The following CUBN variants were observed in gnomAD, a reference collection of about 807,000 sequenced individuals.
CUBN encodes the protein 460 kDa receptor.
Under a neutral mutation model 405.3 loss-of-function variants are expected in CUBN, and 282 were observed. The ratio of observed to expected loss-of-function variants is 0.70; its 90% CI spans 0.63 to 0.77. The LOEUF is 0.77. Ranked by LOEUF, CUBN falls within the 30% of genes least tolerant of loss-of-function variation. The probability of loss-of-function intolerance (pLI) is 0.00; values close to 1 mark genes in which losing one functional copy is unlikely to be tolerated. For synonymous variants in CUBN, 1,684 were observed against 1,617.0 expected (o/e 1.04, Z -0.99); for missense variants, 4,514 against 4,475.2 (o/e 1.01, Z -0.25).
At chr10:16,882,607 A>G (rs1840694490) in intron 56 of CUBN, among the ~76,000 whole-genome samples, 1 of 152,192 alleles carries the variant, frequency 6.6e-6, no homozygotes, top group African/African-American at 2.4e-5. Flanking sequence ...TTTTCTCCAA[A>G]GTGGGGGGAG....
intron 29 of CUBN, among the ~76,000 whole-genome samples, chr10:16,989,349 T>C (rs1486425533): frequency 6.7e-6 from 1 of 148,438 alleles, no homozygotes; most frequent in African/African-American, 2.4e-5. Flanking sequence ...AATATAATAA[T>C]CTGTTATAAT....
intron 48 of CUBN, among the ~76,000 whole-genome samples, chr10:16,912,506 G>A (rs1841761653): frequency 6.6e-6 from 1 of 152,182 alleles, no homozygotes; most frequent in Admixed American, 6.5e-5. Context: ...GTGAAGTGCT[G>A]CAAAACAACA....
At position 17,115,488 on chromosome 10, in the gene CUBN, G is replaced by A. The variant is rs1461982823; in HGVS notation, c.703C>T (p.Arg235Ter). Residue 235 changes from arginine to a stop codon, truncating the protein, a stop_gained, in exon 7 of 67, where the codon CGA becomes TGA. Transcript: ENST00000377833. LOFTEE classifies it high-confidence loss of function. ...GGACCCACCTCTCCAGCTTGCTCTC[G>A]CATTAAATCCTCACAGATGCCATGG... Reference protein sequence around the residue: ...CVHGICEDLMREQAGEPKYSC... With the variant: ...CVHGICEDLM 1.9e-5 allele frequency: 30 copies of A among 1,613,744 alleles called. No homozygotes were observed. Among genetic ancestry groups the A allele is most frequent in the Non-Finnish European group, 2.5e-5 (29 of 1,179,906 alleles).
At chr10:16,975,247 G>A (rs114543363) in intron 31 of CUBN, among the ~76,000 whole-genome samples, 1,730 of 152,176 alleles carry the variant, frequency 0.011, 31 homozygotes, top group African/African-American at 0.04. Context: ...TTCCATCTCC[G>A]TGCCTAAGAC....
chr10:17,038,389 G>A lies in CUBN; in HGVS notation c.4017+2644C>T, dbSNP rs901105556. 3.9e-5 allele frequency among the ~76,000 whole-genome samples: 6 copies of A among 152,066 alleles called. No individual in the cohort carries two copies. In the South Asian group the frequency reaches 1.2e-3, roughly 31 times the overall value. ...AATGGTCTCACTCCTTTAAGCAAAT[G>A]GTCCCTTCTCCCACTGTATATTTTA... On this transcript the variant is annotated intron_variant, in intron 27 of 66. Coordinates refer to ENST00000377833, the MANE Select transcript of CUBN (RefSeq NM_001081.4).
intron 4 of CUBN, among the ~76,000 whole-genome samples, chr10:17,125,617 G>C (rs180874716): frequency 3.5e-4 from 54 of 152,316 alleles, no homozygotes; most frequent in Admixed American, 1.1e-3. Context: ...GGGCCTAGTA[G>C]AAAATGAAAT....
chr10:17,109,575 A>T (rs1836719394), intron 10 of CUBN, 65 bp downstream of exon 10: 26 of 1,266,140 alleles, frequency 2.1e-5, no homozygotes, highest in Non-Finnish European at 2.9e-5. Context: ...TGTGTTTAAG[A>T]TGTTGAATTG....
intron 11 of CUBN, 69 bp from the exon 12 acceptor site, chr10:17,104,674 T>C (rs1024148979): frequency 2.4e-5 from 23 of 952,420 alleles, no homozygotes; most frequent in Non-Finnish European, 3.6e-5. Flanking sequence ...TCAACCCAAA[T>C]AATAGGAATG....
intron 66 of CUBN, 138 bp downstream of exon 66, chr10:16,828,667 G>C: frequency 1.4e-6 from 1 of 712,902 alleles, no homozygotes; most frequent in Admixed American, 2.2e-5. Flanking sequence ...GCAGTGAGTT[G>C]AGATTGCGCG....
chr10:16,936,366 C>T (rs555651620), intron 39 of CUBN, among the ~76,000 whole-genome samples: 52 of 152,230 alleles, frequency 3.4e-4, no homozygotes, highest in Non-Finnish European at 6.9e-4. Flanking sequence ...CTTAGATAGA[C>T]AGATCAATAT....
At chr10:16,994,360 C>T (rs1297845808) in intron 28 of CUBN, among the ~76,000 whole-genome samples, 2 of 152,058 alleles carry the variant, frequency 1.3e-5, no homozygotes, top group Non-Finnish European at 2.9e-5. Context: ...TTTTGCTTCT[C>T]CTTCAGTTTA....
chr10:16,851,476 C>G lies in CUBN; in HGVS notation c.9455-33G>C, dbSNP rs1839682783. 1.9e-6 allele frequency: 3 copies of G among 1,577,524 alleles called. No homozygotes were observed. In the African/African-American group the frequency reaches 4.0e-5, roughly 21 times the overall value. On this transcript the variant is annotated intron_variant, in intron 59 of 66. Coordinates refer to ENST00000377833, the MANE Select transcript of CUBN (RefSeq NM_001081.4). ...AAAACAAAGACATCACTATGCAGAC[C>G]AAACAGAACCGACCTTACATTGTAC...
intron 21 of CUBN, among the ~76,000 whole-genome samples, chr10:17,066,601 A>G (rs1835618281): frequency 6.6e-6 from 1 of 152,112 alleles, no homozygotes; most frequent in Non-Finnish European, 1.5e-5. Flanking sequence ...ATGCCTTCGT[A>G]TATGCCCATG....
At position 17,040,858 on chromosome 10, in the gene CUBN, C is replaced by T. The variant is rs185510086; in HGVS notation, c.4017+175G>A. Among the ~76,000 whole-genome samples the T allele has an allele frequency of 6.6e-5, 10 of 152,278 alleles. No individual in the cohort carries two copies. In the East Asian group the frequency reaches 1.3e-3, roughly 21 times the overall value. ...AAACATAGATAGTTCTCTGTATTCA[C>T]AATTTAATACATTAAATATGAAATA... is the stretch of plus-strand genomic sequence containing the variant. On this transcript the variant is annotated intron_variant, in intron 27 of 66. Transcript: ENST00000377833.
At chr10:16,875,525 T>A (rs1840472387) in intron 57 of CUBN, among the ~76,000 whole-genome samples, 1 of 152,218 alleles carries the variant, frequency 6.6e-6, no homozygotes, top group Non-Finnish European at 1.5e-5. Context: ...TTGCCTCAAC[T>A]GAGCCCACCT....
intron 66 of CUBN, 90 bp from the exon 67 acceptor site, chr10:16,825,172 A>T: frequency 1.2e-6 from 1 of 859,324 alleles, no homozygotes; most frequent in Non-Finnish European, 1.9e-6. Context: ...AGTACCACAT[A>T]AAGAAACTTT....
intron 44 of CUBN, among the ~76,000 whole-genome samples, chr10:16,919,546 G>A (rs539747659): frequency 6.6e-6 from 1 of 152,298 alleles, no homozygotes; most frequent in Non-Finnish European, 1.5e-5. Context: ...CTTTAGTACT[G>A]TTCCGACAGT....
chr10:16,857,547 A>G (rs1257630521), intron 59 of CUBN, among the ~76,000 whole-genome samples: 1 of 152,232 alleles, frequency 6.6e-6, no homozygotes, highest in Admixed American at 6.5e-5. Flanking sequence ...CAACTTGGAA[A>G]TTAAAAAAAT....
chr10:16,888,748 A>T (rs1304693438), intron 55 of CUBN, among the ~76,000 whole-genome samples, 182 bp from the exon 56 acceptor site: 2 of 152,084 alleles, frequency 1.3e-5, no homozygotes, highest in African/African-American at 4.8e-5. Flanking sequence ...TGTGCTTAAT[A>T]AGAATATTAT....
Sources: allele counts gnomAD v4.1 joint callset (sites outside exome capture counted in the v4.1 genomes callset), GRCh38; gene constraint gnomAD v4.1.1; transcripts MANE v1.5; gene names NCBI Gene and HGNC (gene_info 2026-07-23, HGNC 2026-07-21).